SAXO1: variants seen among roughly 807,000 people sequenced by gnomAD.
SAXO1 encodes 4930500O09Rik.
A neutral mutation model predicts 17.5 loss-of-function variants in SAXO1; 21 were observed. That is an observed-to-expected ratio of 1.20 (90% CI 0.85 to 1.72). SAXO1 has a LOEUF of 1.72. SAXO1 is among the 40% of genes most tolerant of loss of function. The pLI is 0.00. For synonymous variants in SAXO1, 274 were observed against 216.5 expected (o/e 1.27, Z -2.33); for missense variants, 843 against 596.0 (o/e 1.41, Z -4.32).
chr9:19,012,472 C>G (rs1834787677), intron 1 of SAXO1, among the ~76,000 whole-genome samples: 1 of 152,206 alleles, frequency 6.6e-6, no homozygotes, highest in African/African-American at 2.4e-5. Context: ...ATGTAATCAA[C>G]TTTGTGGTGT....
intron 3 of SAXO1, among the ~76,000 whole-genome samples, chr9:18,935,122 A>C (rs1169736372): frequency 6.6e-6 from 1 of 151,836 alleles, no homozygotes; most frequent in Non-Finnish European, 1.5e-5. Flanking sequence ...TTGTATTTTT[A>C]CAAAAAAATA....
At position 18,929,017 on chromosome 9, in the gene SAXO1, G is replaced by C. The variant is rs1563922447; in HGVS notation, c.460C>G (p.Leu154Val). 1 of 1,614,210 alleles carries C rather than the reference G, an allele frequency of 6.2e-7. No homozygotes were observed. Among genetic ancestry groups the C allele is most frequent in the Non-Finnish European group, 8.5e-7 (1 of 1,180,030 alleles). ...LPWNQPRREP[L>V]RLEHKYQPAS... is the part of the protein sequence containing the mutation. The stretch of plus-strand genomic sequence containing the variant: ...GGCTGGTATTTGTGTTCCAGACGAA[G>C]TGGCTCTCGCCTTGGTTGGTTCCAA... Residue 154 changes from leucine to valine, a missense_variant, in exon 4 of 4, where the codon CTT becomes GTT. Leu to Val is a conservative substitution (Grantham distance 32). Coordinates refer to ENST00000380534, the MANE Select transcript of SAXO1 (RefSeq NM_153707.4).
At chr9:18,934,642 G>A (rs7870292) in intron 3 of SAXO1, among the ~76,000 whole-genome samples, 12,161 of 152,086 alleles carry the variant, frequency 0.08, 1,638 homozygotes, top group African/African-American at 0.28. Flanking sequence ...ATTTGTCTGC[G>A]ATGTCCAACA....
chr9:18,996,188 A>G (rs1833992566), intron 1 of SAXO1, among the ~76,000 whole-genome samples: 1 of 152,200 alleles, frequency 6.6e-6, no homozygotes, highest in African/African-American at 2.4e-5. Context: ...CCTCACAATT[A>G]TCCAGATGTT....
At chr9:19,041,685 G>A (rs1273544791) in intron 1 of SAXO1, among the ~76,000 whole-genome samples, 2 of 152,096 alleles carry the variant, frequency 1.3e-5, no homozygotes, top group Admixed American at 6.6e-5. Context: ...CCAAGAACAT[G>A]CATGGGGTAA....
At chr9:18,978,502 T>C (rs1643967721) in intron 1 of SAXO1, among the ~76,000 whole-genome samples, 1 of 152,200 alleles carries the variant, frequency 6.6e-6, no homozygotes, top group South Asian at 2.1e-4. Flanking sequence ...TGTCAAGTAA[T>C]CTTCTGCTTT....
At chr9:18,960,415 T>G (rs12346001) in intron 1 of SAXO1, among the ~76,000 whole-genome samples, 18,837 of 152,152 alleles carry the variant, frequency 0.12, 2,201 homozygotes, top group African/African-American at 0.31. Context: ...AGCCTATTCC[T>G]AGCCTTCCCT....
intron 1 of SAXO1, among the ~76,000 whole-genome samples, chr9:18,972,984 A>C (rs73431212): frequency 0.035 from 5,360 of 151,902 alleles, 309 homozygotes; most frequent in African/African-American, 0.12. Context: ...TGAAAAAAAC[A>C]CTCCCCACAA....
intron 1 of SAXO1, among the ~76,000 whole-genome samples, chr9:19,001,526 G>A (rs2130959016): frequency 6.6e-6 from 1 of 152,166 alleles, no homozygotes; most frequent in East Asian, 1.9e-4. Context: ...AATTAGCCAG[G>A]TGTGGTGGCG....
chr9:18,975,651 T>C (rs1470928862), intron 1 of SAXO1, among the ~76,000 whole-genome samples: 1 of 152,232 alleles, frequency 6.6e-6, no homozygotes, highest in Non-Finnish European at 1.5e-5. Flanking sequence ...AGCAGTCCTA[T>C]GCATTGTATA....
intron 1 of SAXO1, among the ~76,000 whole-genome samples, chr9:19,029,258 A>C (rs559580045): frequency 6.6e-6 from 1 of 152,342 alleles, no homozygotes; most frequent in South Asian, 2.1e-4. Context: ...GGAAGAAGAG[A>C]ATGTGAGAGA....
chr9:19,041,537 C>G (rs549722819), intron 1 of SAXO1, among the ~76,000 whole-genome samples: 1 of 152,212 alleles, frequency 6.6e-6, no homozygotes, highest in Admixed American at 6.5e-5. Context: ...ATTACCTGAC[C>G]TCCAGTTATA....
chr9:19,015,917 G>A (rs1834956078), intron 1 of SAXO1, among the ~76,000 whole-genome samples: 1 of 152,108 alleles, frequency 6.6e-6, no homozygotes, highest in Non-Finnish European at 1.5e-5. Context: ...GCAGATTCCT[G>A]AGCCTCAGAC....
At chr9:18,953,699 TTAAC>T (rs1832130974) in intron 1 of SAXO1, among the ~76,000 whole-genome samples, 1 of 152,166 alleles carries the variant, frequency 6.6e-6, no homozygotes, top group Admixed American at 6.6e-5. Flanking sequence ...CCAACCCTCA[TTAAC>T]CAGGAATCCC....
intron 1 of SAXO1, among the ~76,000 whole-genome samples, chr9:19,014,390 G>C (rs1049029562): frequency 2.0e-5 from 3 of 149,800 alleles, no homozygotes; most frequent in East Asian, 3.9e-4. Context: ...TGAACCTGGG[G>C]GGCAAGGTTG....
In SAXO1 at chr9:18,993,636, A is replaced by G. The variant is rs62560400; in HGVS notation, c.38+39235T>C. Among the ~76,000 whole-genome samples, 857 of 152,328 alleles carry G rather than the reference A, an allele frequency of 5.6e-3. 5 individuals are homozygous for G. The highest frequency in any genetic ancestry group is 0.027 in the Middle Eastern group (8 of 294). On this transcript the variant is annotated intron_variant, in intron 1 of 3. Coordinates refer to ENST00000380534, the MANE Select transcript of SAXO1 (RefSeq NM_153707.4). The stretch of plus-strand genomic sequence containing the variant: ...TTTATTTCCATTCCAGATGGCTTCA[A>G]GAGAGAACAGGCTCTGCTGTGGGTA...
At chr9:18,935,347 A>G (rs1831238756) in intron 3 of SAXO1, among the ~76,000 whole-genome samples, 1 of 152,196 alleles carries the variant, frequency 6.6e-6, no homozygotes, top group Admixed American at 6.5e-5. Flanking sequence ...AAAAACACAT[A>G]CAAAGATCAG....
intron 1 of SAXO1, among the ~76,000 whole-genome samples, chr9:19,012,952 G>A (rs1834813245): frequency 6.6e-6 from 1 of 152,270 alleles, no homozygotes; most frequent in Non-Finnish European, 1.5e-5. Flanking sequence ...ATGCTAGGCT[G>A]TGAGGTTGTT....
rs1180144567 is a variant in SAXO1 at position 19,033,096 on chromosome 9, C to G, written c.-188G>C. The G allele has an allele frequency of 1.8e-6, 1 of 561,684 alleles. No homozygotes were observed. Among genetic ancestry groups the G allele is most frequent in the African/African-American group, 1.9e-5 (1 of 51,688 alleles). 34.8% of individuals were successfully genotyped at this position (561,684 alleles called of 1,614,324 possible). A position where few individuals can be genotyped will look rare whatever the true frequency, so the allele number is the denominator to read the frequency against. ...CGTCTGTTGCCCTCCTGGAGCTGGC[C>G]TAGCGCGAGGTAGCAGCAGGGGGCT... is the stretch of plus-strand genomic sequence containing the variant. On this transcript the variant is annotated 5_prime_UTR_variant, in exon 1 of 4. Coordinates refer to ENST00000380534, the MANE Select transcript of SAXO1 (RefSeq NM_153707.4).
Sources: allele counts gnomAD v4.1 joint callset (sites outside exome capture counted in the v4.1 genomes callset), GRCh38; gene constraint gnomAD v4.1.1; transcripts MANE v1.5; gene names NCBI Gene and HGNC (gene_info 2026-07-23, HGNC 2026-07-21).